The following TRHDE variants were observed in gnomAD, a reference collection of about 807,000 sequenced individuals.
The protein encoded by TRHDE is thyrotropin releasing hormone degrading enzyme, also known as thyrotropin-releasing hormone-degrading ectoenzyme.
TRHDE carries 72 observed loss-of-function variants against 125.7 expected under a neutral mutation model. The observed-to-expected ratio is 0.57, with a 90% CI of 0.47 to 0.70. The LOEUF (loss-of-function observed/expected upper bound fraction) is 0.70. Among genes scored for constraint, TRHDE ranks in the 30% least tolerant of loss-of-function variants. The probability of loss-of-function intolerance (pLI) is 0.00; values close to 1 mark genes in which losing one functional copy is unlikely to be tolerated. For missense variants in TRHDE, 1,110 were observed against 1,327.1 expected, an observed-to-expected ratio of 0.84 and a Z score of 2.54; for synonymous variants, 509 against 509.1, an observed-to-expected ratio of 1.00 and a Z score of 0.00.
intron 2 of TRHDE, among the ~76,000 whole-genome samples, chr12:72,317,653 A>G (rs1868867883): frequency 6.6e-6 from 1 of 152,174 alleles, no homozygotes; most frequent in Non-Finnish European, 1.5e-5. Flanking sequence ...CATTGGAGAT[A>G]TAGTTTAAAT....
At position 72,272,950 on chromosome 12, in the gene TRHDE, G is replaced by T. The variant is rs1157370378; in HGVS notation, c.307G>T (p.Ala103Ser). Reference protein sequence around the residue: ...LVALLAVTMLAVLLSLRFDEC... With the variant: ...LVALLAVTMLSVLLSLRFDEC... ...GGCATTGCTCGCGGTCACAATGCTC[G>T]CTGTGCTGCTCAGCCTGCGCTTCGA... Residue 103 changes from alanine (A) to serine (S), a missense_variant, in exon 1 of 19, where the codon GCT becomes TCT. This residue lies in a region of TRHDE where 248 missense variants were observed against 240.8 expected (regional missense o/e 1.03). Transcript: ENST00000261180. The surrounding 1 kb of genome is among the most constrained non-coding windows in gnomAD (Gnocchi z 6.7). 6.4e-7 allele frequency: 1 copy of T among 1,572,948 alleles called. No homozygotes were observed. Among genetic ancestry groups the T allele is most frequent in the Non-Finnish European group, 8.6e-7 (1 of 1,166,958 alleles).
intron 1 of TRHDE, among the ~76,000 whole-genome samples, chr12:72,280,635 G>GA (rs1214128690): frequency 6.6e-6 from 1 of 152,194 alleles, no homozygotes; most frequent in Non-Finnish European, 1.5e-5. Context: ...GGGAGATGGA[G>GA]AGGGTTGAGG....
intron 1 of TRHDE, among the ~76,000 whole-genome samples, chr12:72,280,477 T>G (rs892907597): frequency 2.0e-5 from 3 of 151,998 alleles, no homozygotes; most frequent in Admixed American, 1.3e-4. Flanking sequence ...CTGCTGTTTG[T>G]TTTTACCACC....
chr12:72,642,632 AAAAC>A (rs1160119892), intron 15 of TRHDE, among the ~76,000 whole-genome samples: 1 of 152,168 alleles, frequency 6.6e-6, no homozygotes, highest in Non-Finnish European at 1.5e-5. Context: ...TACCTAGAGA[AAAAC>A]AAACACAGTT....
intron 6 of TRHDE, among the ~76,000 whole-genome samples, chr12:72,523,926 G>A (rs1246064377): frequency 3.3e-5 from 5 of 152,124 alleles, no homozygotes; most frequent in African/African-American, 1.2e-4. Flanking sequence ...AAAACAAAAA[G>A]CAGAAGCCGG....
At chr12:72,577,239 TTA>T (rs2136030255) in intron 12 of TRHDE, among the ~76,000 whole-genome samples, 1 of 152,336 alleles carries the variant, frequency 6.6e-6, no homozygotes, top group African/African-American at 2.4e-5. Context: ...GCTGTTTTCA[TTA>T]GCTAAGAATT....
Position 72,178,260 on chromosome 12 carries a change from C to T in TRHDE, n.279+72508C>T, listed in dbSNP as rs1877028215. ...TACTGTGTATTAGGATAATCAGGTC[C>T]AGATATTGAGTCATCAGACAGTTTA... On this transcript the variant is annotated intron_variant and non_coding_transcript_variant, in intron 2 of 4. Transcript: ENST00000548156. 3.9e-5 allele frequency among the ~76,000 whole-genome samples: 6 copies of T among 152,010 alleles called. No individual in the cohort carries two copies. The South Asian group carries it at 1.2e-3, about 32-fold the overall frequency.
intron 3 of TRHDE, among the ~76,000 whole-genome samples, chr12:72,440,716 C>T (rs985622141): frequency 6.6e-6 from 1 of 151,952 alleles, no homozygotes; most frequent in African/African-American, 2.4e-5. Flanking sequence ...CTGGCTCTAG[C>T]ATCTGAGGTA....
chr12:72,172,667 T>C (rs1204002570), intron 2 of TRHDE, among the ~76,000 whole-genome samples: 1 of 152,004 alleles, frequency 6.6e-6, no homozygotes, highest in African/African-American at 2.4e-5. Context: ...TGACATGGAG[T>C]AGAACCAAAC....
At chr12:72,183,819 AT>A (rs758956489) in intron 2 of TRHDE, among the ~76,000 whole-genome samples, 1 of 152,078 alleles carries the variant, frequency 6.6e-6, no homozygotes, top group Non-Finnish European at 1.5e-5. Context: ...AGTATAAAGG[AT>A]TTTTTCAACA....
intron 7 of TRHDE, among the ~76,000 whole-genome samples, chr12:72,547,331 AC>A (rs756364599): frequency 1.3e-5 from 2 of 151,760 alleles, no homozygotes; most frequent in Non-Finnish European, 2.9e-5. Flanking sequence ...ATCAACAATT[AC>A]CACATTTTAC....
chr12:72,259,215 T>C (rs1055238092), intron 2 of TRHDE, among the ~76,000 whole-genome samples: 5 of 152,158 alleles, frequency 3.3e-5, no homozygotes, highest in African/African-American at 1.2e-4. Flanking sequence ...ATTTACTTAC[T>C]ATATAATTGT....
intron 12 of TRHDE, among the ~76,000 whole-genome samples, chr12:72,581,292 C>T (rs1871214904): frequency 2.0e-5 from 3 of 152,158 alleles, no homozygotes; most frequent in Admixed American, 2.0e-4. Flanking sequence ...GTATTTAAAG[C>T]TTTTAACATG....
chr12:72,175,034 T>A lies in TRHDE; in HGVS notation n.279+69282T>A, dbSNP rs149776668. 8.2e-3 allele frequency among the ~76,000 whole-genome samples: 1,243 copies of A among 152,310 alleles called. 16 individuals are homozygous for A. The highest frequency in any genetic ancestry group is 0.028 in the African/African-American group (1,172 of 41,566). The stretch of plus-strand genomic sequence containing the variant: ...CCTGAGATCTACTCTTTTCATAGAT[T>A]TTTTAAGTGTATCATATAGTCTTGT... On this transcript the variant is annotated intron_variant and non_coding_transcript_variant, in intron 2 of 4. Coordinates refer to the TRHDE transcript ENST00000548156.
intron 2 of TRHDE, among the ~76,000 whole-genome samples, chr12:72,325,621 A>G (rs1194262417): frequency 6.6e-6 from 1 of 152,146 alleles, no homozygotes; most frequent in East Asian, 1.9e-4. Flanking sequence ...ATCATTCTTT[A>G]TATCTGTAGA....
chr12:72,109,599 TTTAAG>T (rs1346389131), intron 2 of TRHDE, among the ~76,000 whole-genome samples: 2 of 151,086 alleles, frequency 1.3e-5, no homozygotes, highest in African/African-American at 4.9e-5. Context: ...CTGTCAAAGC[TTTAAG>T]TTAATGTCTT....
intron 12 of TRHDE, among the ~76,000 whole-genome samples, chr12:72,597,684 A>C (rs1283367395): frequency 8.4e-6 from 1 of 118,792 alleles, no homozygotes; most frequent in Non-Finnish European, 1.8e-5. Flanking sequence ...AAAAAAAACT[A>C]AGAGAGGTAT....
intron 2 of TRHDE, among the ~76,000 whole-genome samples, chr12:72,368,473 T>C (rs2135760128): frequency 6.6e-6 from 1 of 152,298 alleles, no homozygotes; most frequent in African/African-American, 2.4e-5. Context: ...TTTACTCTCA[T>C]GGGACTCTGA....
At chr12:72,499,195 G>T (rs973028173) in intron 5 of TRHDE, among the ~76,000 whole-genome samples, 2 of 152,098 alleles carry the variant, frequency 1.3e-5, no homozygotes, top group African/African-American at 2.4e-5. Context: ...TCTCATTGTT[G>T]TTATTGCCTG....
Sources: gnomAD v4.1 joint callset for allele counts (sites outside exome capture counted in the v4.1 genomes callset) on GRCh38, gnomAD v4.1.1 for gene constraint, gnomAD v4.1.1 regional missense constraint, Gnocchi (gnomAD v3.1) non-coding constraint, MANE v1.5 for transcripts, NCBI Gene and HGNC (gene_info 2026-07-23, HGNC 2026-07-21) for gene names.